SNRPN: variants seen among roughly 807,000 people sequenced by gnomAD.
SNRPN encodes small nuclear ribonucleoprotein polypeptide N, also known as small nuclear ribonucleoprotein-associated protein N.
SNRPN carries 7 observed loss-of-function variants against 25.2 expected under a neutral mutation model. The ratio of observed to expected loss-of-function variants is 0.28; its 90% CI spans 0.16 to 0.52. The LOEUF (loss-of-function observed/expected upper bound fraction) is 0.52, where lower values mean the gene tolerates loss of function less well. Ranked by LOEUF, SNRPN falls within the 20% of genes least tolerant of loss-of-function variation. SNRPN has a pLI of 0.96. For synonymous variants in SNRPN, 124 were observed against 110.6 expected (o/e 1.12, Z -0.76); for missense variants, 196 against 322.5 (o/e 0.61, Z 3.00).
intron 2 of SNRPN, chr15:24,911,222 CT>C (rs1203504568): frequency 2.2e-6 from 1 of 452,040 alleles, no homozygotes; most frequent in African/African-American, 2.0e-5. Context: ...ACAGCCTGGC[CT>C]TGTAAAGAAT....
rs2074921664 is a variant in SNRPN at position 24,962,058 on chromosome 15, G to C, written c.-390-56G>C. On this transcript the variant is annotated intron_variant, in intron 1 of 9. Transcript: ENST00000390687. The stretch of plus-strand genomic sequence containing the variant: ...GTTCTAAATATAACCTTGACAAATA[G>C]TTATTTCATAGATTGATGCAGTCTA... 1.2e-4 allele frequency: 163 copies of C among 1,362,712 alleles called. 1 individual carries two copies. The South Asian group carries it at 1.8e-3, about 15-fold the overall frequency. The allele number at this position is 1,362,712 out of a possible 1,614,324, so 84.4% of individuals were successfully genotyped here.
chr15:24,940,527 T>C (rs1177996517), intron 3 of SNRPN, among the ~76,000 whole-genome samples: 1 of 152,250 alleles, frequency 6.6e-6, no homozygotes, highest in Non-Finnish European at 1.5e-5. Context: ...GAAGAGTTTA[T>C]TTCTGGGATC....
intron 2 of SNRPN, among the ~76,000 whole-genome samples, chr15:24,844,406 C>G (rs978042266): frequency 6.6e-6 from 1 of 152,100 alleles, no homozygotes; most frequent in South Asian, 2.1e-4. Flanking sequence ...TTGATATGAC[C>G]TACATCTGTT....
upstream of SNRPN, among the ~76,000 whole-genome samples, chr15:24,855,542 C>A (rs1224829201): frequency 6.6e-6 from 1 of 152,064 alleles, no homozygotes; most frequent in Non-Finnish European, 1.5e-5. Flanking sequence ...GTAATACCAG[C>A]ATTTTGGGAG....
chr15:24,955,583 A>G (rs1446378815), intron 1 of SNRPN, among the ~76,000 whole-genome samples: 1 of 119,012 alleles, frequency 8.4e-6, no homozygotes, highest in Non-Finnish European at 1.7e-5. Context: ...TGCGTGGTGG[A>G]GCAGGGTACG....
At chr15:24,880,083 C>T (rs1275808692) in intron 1 of SNRPN, among the ~76,000 whole-genome samples, 2 of 152,104 alleles carry the variant, frequency 1.3e-5, no homozygotes, top group African/African-American at 4.8e-5. Context: ...GGTAGGCGGT[C>T]AGAGGAAAGA....
intron 3 of SNRPN, among the ~76,000 whole-genome samples, chr15:24,945,975 A>G (rs566663303): frequency 2.9e-4 from 44 of 152,272 alleles, no homozygotes; most frequent in Non-Finnish European, 5.4e-4. Flanking sequence ...CTGTTGGGTT[A>G]GTTCCTGGGC....
intron 1 of SNRPN, among the ~76,000 whole-genome samples, chr15:24,826,009 T>G (rs2050054002): frequency 6.6e-6 from 1 of 152,080 alleles, no homozygotes; most frequent in South Asian, 2.1e-4. Context: ...TCCTCTCTGT[T>G]GGGCTACCTT....
chr15:24,977,541 G>A (rs1337281431), intron 7 of SNRPN, among the ~76,000 whole-genome samples: 1 of 152,224 alleles, frequency 6.6e-6, no homozygotes, highest in Non-Finnish European at 1.5e-5. Context: ...CAGGCAGGGA[G>A]ACAGGAGAAT....
intron 2 of SNRPN, among the ~76,000 whole-genome samples, chr15:24,844,151 T>TG (rs1555378807): frequency 6.6e-6 from 1 of 151,678 alleles, no homozygotes. Flanking sequence ...TGTGTGTGTG[T>TG]TTGTGTGTGC....
In SNRPN at chr15:24,834,728, C is replaced by CCT. The variant is rs372713413; in HGVS notation, c.-579+4846_-579+4847dup. 7.3e-3 allele frequency among the ~76,000 whole-genome samples: 312 copies of CCT among 42,792 alleles called. 4 individuals are homozygous for CCT. Among genetic ancestry groups the CCT allele is most frequent in the South Asian group, 0.023 (24 of 1,042 alleles). The allele number at this position is 42,792 out of a possible 152,430, so 28.1% of individuals were successfully genotyped here. On this transcript the variant is annotated intron_variant, in intron 2 of 12. Coordinates refer to the SNRPN transcript ENST00000400100. The stretch of plus-strand genomic sequence containing the variant: ...GAGTGAGACCTTGTCTCTCTCTCTC[C>CCT]CTCTCTCTCTCTCTCTCTCTCTCTA...
At chr15:24,948,832 C>T (rs1285895961) in intron 3 of SNRPN, among the ~76,000 whole-genome samples, 10 of 151,844 alleles carry the variant, frequency 6.6e-5, no homozygotes, top group Non-Finnish European at 1.0e-4. Context: ...ATATTCACAA[C>T]GTTTCCCAAC....
At chr15:24,932,401 A>ATT (rs760557799) in intron 3 of SNRPN, among the ~76,000 whole-genome samples, 3 of 151,938 alleles carry the variant, frequency 2.0e-5, no homozygotes, top group Non-Finnish European at 4.4e-5. Flanking sequence ...CGACTGGCCA[A>ATT]TTTTTGTACT....
At chr15:24,882,036 G>A (rs908591836) in intron 1 of SNRPN, among the ~76,000 whole-genome samples, 1 of 152,056 alleles carries the variant, frequency 6.6e-6, no homozygotes, top group Non-Finnish European at 1.5e-5. Flanking sequence ...GACTATGAAG[G>A]CCTCTCCCTA....
At chr15:24,903,106 C>A (rs2058574137) in intron 2 of SNRPN, among the ~76,000 whole-genome samples, 1 of 152,154 alleles carries the variant, frequency 6.6e-6, no homozygotes, top group Non-Finnish European at 1.5e-5. Context: ...TTTCCAAGTC[C>A]CCACCCAACC....
intron 2 of SNRPN, among the ~76,000 whole-genome samples, chr15:24,844,514 T>C (rs555550613): frequency 1.3e-5 from 2 of 150,772 alleles, no homozygotes; most frequent in African/African-American, 4.9e-5. Context: ...TGACTAAGAA[T>C]AATTTGTCCT....
exon 2 of SNRPN, chr15:24,886,540 C>A (rs531664883): frequency 6.6e-6 from 1 of 152,292 alleles, no homozygotes; most frequent in African/African-American, 2.4e-5. Flanking sequence ...GTAATTGGGA[C>A]TCCCATCAAG....
rs1344401395 is a variant in SNRPN, at chr15:24,889,724, T to G, written c.-505+3135T>G. Among the ~76,000 whole-genome samples the G allele has an allele frequency of 2.0e-5, 3 of 152,162 alleles. No homozygotes were observed. The East Asian group carries it at 5.8e-4, about 30-fold the overall frequency. ...AATGTGCATCCCTACATGTTCATGT[T>G]GTTGTTTCATAGGTAGTGCAGGGGG... On this transcript the variant is annotated intron_variant, in intron 2 of 11. Coordinates refer to the SNRPN transcript ENST00000400097.
At chr15:24,863,469 G>A (rs549754550) in intron 1 of SNRPN, among the ~76,000 whole-genome samples, 1 of 150,494 alleles carries the variant, frequency 6.6e-6, no homozygotes, top group East Asian at 2.0e-4. Flanking sequence ...GCACGCATCT[G>A]TGTCTGCGTG....
Sources: gnomAD v4.1 joint callset for allele counts (sites outside exome capture counted in the v4.1 genomes callset) on GRCh38, gnomAD v4.1.1 for gene constraint, MANE v1.5 for transcripts, NCBI Gene and HGNC (gene_info 2026-07-23, HGNC 2026-07-21) for gene names.